LRP1B: variants seen among roughly 807,000 people sequenced by gnomAD.
The protein encoded by LRP1B is low-density lipoprotein receptor-related protein 1B.
In LRP1B, 217 loss-of-function variants were observed where a neutral mutation model predicts 556.6. The observed-to-expected ratio is 0.39, with a 90% CI of 0.35 to 0.44. The LOEUF (loss-of-function observed/expected upper bound fraction) is 0.44, where lower values mean the gene tolerates loss of function less well. Ranked by LOEUF, LRP1B falls within the 20% of genes least tolerant of loss-of-function variation. The probability of loss-of-function intolerance (pLI) is 1.00; values close to 1 mark genes in which losing one functional copy is unlikely to be tolerated. For missense variants in LRP1B, 5,053 were observed against 5,620.8 expected, an observed-to-expected ratio of 0.90 and a Z score of 3.23; for synonymous variants, 2,047 against 1,865.8, an observed-to-expected ratio of 1.10 and a Z score of -2.50.
chr2:140,329,961 A>G (rs1347754791), intron 79 of LRP1B, among the ~76,000 whole-genome samples: 4 of 151,852 alleles, frequency 2.6e-5, no homozygotes, highest in Non-Finnish European at 5.9e-5. Context: ...GAAGTTTGAG[A>G]GGCTGAGGCG....
chr2:140,974,311 A>G (rs1179566798), intron 18 of LRP1B, among the ~76,000 whole-genome samples: 1 of 152,172 alleles, frequency 6.6e-6, no homozygotes, highest in East Asian at 1.9e-4. Flanking sequence ...TTTTAGAAGA[A>G]TTCCTATATT....
chr2:142,000,189 A>G (rs1559013730), intron 1 of LRP1B, among the ~76,000 whole-genome samples: 1 of 152,138 alleles, frequency 6.6e-6, no homozygotes, highest in African/African-American at 2.4e-5. Context: ...AGAAGAGGAC[A>G]TTTGTGTAAT....
rs13021648 is a variant in LRP1B, at chr2:141,463,565, T to A, written c.343+16831A>T. Among the ~76,000 whole-genome samples the A allele has an allele frequency of 8.5e-3, 499 of 58,924 alleles. 16 individuals carry two copies. The highest frequency in any genetic ancestry group is 0.048 in the Admixed American group (219 of 4,596). 38.7% of individuals were successfully genotyped at this position (58,924 alleles called of 152,430 possible). A position where few individuals can be genotyped will look rare whatever the true frequency, so the allele number is the denominator to read the frequency against. ...TATATATAATTATATATAATATATA[T>A]TATATATTATATATAATTATATATA... On this transcript the variant is annotated intron_variant, in intron 3 of 90. Coordinates refer to ENST00000389484, the MANE Select transcript of LRP1B (RefSeq NM_018557.3).
At chr2:140,440,950 T>A (rs1301777218) in intron 66 of LRP1B, among the ~76,000 whole-genome samples, 1 of 152,156 alleles carries the variant, frequency 6.6e-6, no homozygotes, top group African/African-American at 2.4e-5. Context: ...ACATCCCAGT[T>A]ACAGGACTTG....
intron 81 of LRP1B, among the ~76,000 whole-genome samples, chr2:140,323,001 G>A (rs1680235419): frequency 6.6e-6 from 1 of 151,932 alleles, no homozygotes; most frequent in South Asian, 2.1e-4. Context: ...GCAAGACTTT[G>A]GATAAAATTT....
chr2:141,880,520 A>G (rs1234838085), intron 1 of LRP1B, among the ~76,000 whole-genome samples: 4 of 152,060 alleles, frequency 2.6e-5, no homozygotes, highest in Admixed American at 6.6e-5. Context: ...ATGTAAAAAC[A>G]TCTTCAATTT....
At chr2:141,003,261 A>G (rs529794724) in intron 15 of LRP1B, among the ~76,000 whole-genome samples, 9 of 152,234 alleles carry the variant, frequency 5.9e-5, no homozygotes, top group African/African-American at 2.2e-4. Flanking sequence ...ATTTGGTTAC[A>G]TGATAAGATG....
At chr2:142,070,175 T>C (rs550140837) in intron 1 of LRP1B, among the ~76,000 whole-genome samples, 1 of 151,668 alleles carries the variant, frequency 6.6e-6, no homozygotes, top group Non-Finnish European at 1.5e-5. Flanking sequence ...AGGCAAACGG[T>C]CCAGAGCAAG....
At chr2:140,931,865 T>C (rs1315524078) in intron 20 of LRP1B, among the ~76,000 whole-genome samples, 1 of 152,148 alleles carries the variant, frequency 6.6e-6, no homozygotes, top group Non-Finnish European at 1.5e-5. Flanking sequence ...TGTAAAGTAA[T>C]TGAGAAATCA....
At chr2:141,991,307 C>A (rs1405255068) in intron 1 of LRP1B, among the ~76,000 whole-genome samples, 1 of 152,020 alleles carries the variant, frequency 6.6e-6, no homozygotes, top group Non-Finnish European at 1.5e-5. Flanking sequence ...TCTCCAACAA[C>A]TATTATGTCA....
intron 2 of LRP1B, among the ~76,000 whole-genome samples, chr2:141,601,111 C>G (rs150569186): frequency 1.0e-3 from 159 of 152,252 alleles, no homozygotes; most frequent in African/African-American, 3.8e-3. Context: ...TTTTCTGGCT[C>G]AACATTGATC....
intron 3 of LRP1B, among the ~76,000 whole-genome samples, chr2:141,279,756 T>C (rs527258920): frequency 6.6e-6 from 1 of 152,228 alleles, no homozygotes; most frequent in East Asian, 1.9e-4. Context: ...GATTTGTCAA[T>C]CTGAGCAGCA....
rs1283349790 is a variant in LRP1B at position 141,005,389 on chromosome 2, C to T, written c.2449G>A (p.Val817Met). The T allele has an allele frequency of 1.2e-6, 2 of 1,611,280 alleles. No individual in the cohort carries two copies. The highest frequency in any genetic ancestry group is 1.1e-5 in the South Asian group (1 of 90,972). Residue 817 changes from valine (V) to methionine (M), a missense_variant, in exon 15 of 91, where the codon GTG becomes ATG. This residue lies in a region of LRP1B where 3,619 missense variants were observed against 3,931.9 expected (regional missense o/e 0.92). Transcript: ENST00000389484. ...TLCLAIPGGR[V>M]CACADNQLLD... Reference sequence around the variant, plus strand: ...AGTTGATTATCGGCACAAGCACACACCCGGCCTCCTGGGATAGCCAAGCAA... The same window carrying T: ...AGTTGATTATCGGCACAAGCACACATCCGGCCTCCTGGGATAGCCAAGCAA...
intron 3 of LRP1B, among the ~76,000 whole-genome samples, chr2:141,359,444 G>A (rs1456259657): frequency 1.3e-5 from 2 of 152,070 alleles, no homozygotes; most frequent in Non-Finnish European, 2.9e-5. Context: ...GAGGAAAAGC[G>A]TCAAATTAAG....
intron 2 of LRP1B, among the ~76,000 whole-genome samples, chr2:141,727,329 G>C (rs1206282799): frequency 6.6e-6 from 1 of 152,066 alleles, no homozygotes; most frequent in Non-Finnish European, 1.5e-5. Flanking sequence ...CCAAGGTCAC[G>C]CATTAAGAGG....
intron 27 of LRP1B, among the ~76,000 whole-genome samples, chr2:140,862,946 G>T (rs1056791171): frequency 6.6e-6 from 1 of 152,106 alleles, no homozygotes; most frequent in Non-Finnish European, 1.5e-5. Flanking sequence ...GGCACTCCTG[G>T]TTCCTGGGCC....
intron 2 of LRP1B, among the ~76,000 whole-genome samples, chr2:141,544,364 C>CTTCTT (rs1685452761): frequency 9.6e-6 from 1 of 104,542 alleles, no homozygotes; most frequent in African/African-American, 3.3e-5. Flanking sequence ...TCTTCTTCTT[C>CTTCTT]TTCTTCTTCT....
chr2:142,099,499 TATG>T (rs1233804875), intron 1 of LRP1B, among the ~76,000 whole-genome samples: 8 of 151,992 alleles, frequency 5.3e-5, no homozygotes, highest in African/African-American at 1.9e-4. Flanking sequence ...ATTGATAATT[TATG>T]ATAAGAAAGG....
chr2:141,476,264 C>A (rs1038890100), intron 3 of LRP1B, among the ~76,000 whole-genome samples: 6 of 152,170 alleles, frequency 3.9e-5, no homozygotes, highest in Admixed American at 3.3e-4. Context: ...TTAAGAATGT[C>A]AAATTTTAAA....
Sources: allele counts gnomAD v4.1 joint callset (sites outside exome capture counted in the v4.1 genomes callset), GRCh38; gene constraint gnomAD v4.1.1; regional missense constraint gnomAD v4.1.1; transcripts MANE v1.5; gene names NCBI Gene and HGNC (gene_info 2026-07-23, HGNC 2026-07-21).